Variants in AEBP2 observed in about 807,000 individuals in gnomAD.
AEBP2 encodes the protein zinc finger protein AEBP2.
In AEBP2, 10 loss-of-function variants were observed where a neutral mutation model predicts 50.8. The ratio of observed to expected loss-of-function variants is 0.20; its 90% CI spans 0.12 to 0.33. AEBP2 has a LOEUF of 0.33. Among genes scored for constraint, AEBP2 ranks in the 10% least tolerant of loss-of-function variants. The pLI, the probability that AEBP2 is intolerant of heterozygous loss-of-function variation, is 1.00. For synonymous variants in AEBP2, 296 were observed against 261.3 expected (o/e 1.13, Z -1.28); for missense variants, 570 against 688.0 (o/e 0.83, Z 1.92).
At chr12:19,489,412 G>GC (rs1948862701) in intron 3 of AEBP2, among the ~76,000 whole-genome samples, 1 of 152,050 alleles carries the variant, frequency 6.6e-6, no homozygotes, top group East Asian at 1.9e-4. Flanking sequence ...CGGGGAAACC[G>GC]CCCCCGCCAT....
chr12:19,476,097 T>C (rs556827300), intron 3 of AEBP2, among the ~76,000 whole-genome samples: 3 of 152,218 alleles, frequency 2.0e-5, no homozygotes, highest in South Asian at 2.1e-4. Flanking sequence ...GTTGTTCTTA[T>C]TGCATTTGCT....
chr12:19,458,573 C>A (rs1256167136), intron 1 of AEBP2, among the ~76,000 whole-genome samples: 1 of 152,150 alleles, frequency 6.6e-6, no homozygotes, highest in African/African-American at 2.4e-5. Flanking sequence ...CACATAGACT[C>A]AACAATGATT....
At chr12:19,424,669 T>C (rs969363726) in intron 1 of AEBP2, among the ~76,000 whole-genome samples, 4 of 151,828 alleles carry the variant, frequency 2.6e-5, no homozygotes, top group Non-Finnish European at 4.4e-5. Flanking sequence ...GTGCTGGGAT[T>C]ACAGGCGTGA....
Position 19,514,868 on chromosome 12 carries a change from T to G in AEBP2, c.1481+84T>G, listed in dbSNP as rs1010951467. The G allele has an allele frequency of 5.9e-6, 6 of 1,010,244 alleles. 1 individual carries two copies. The highest frequency in any genetic ancestry group is 8.9e-6 in the Non-Finnish European group (6 of 677,218). The allele number at this position is 1,010,244 out of a possible 1,614,324, so 62.6% of individuals were successfully genotyped here. A position where few individuals can be genotyped will look rare whatever the true frequency, so the allele number is the denominator to read the frequency against. ...TTTTGGATAAATTAGGACTTAGTTT[T>G]AAGTGCTGAATTTTAATACCAAGCA... is the stretch of plus-strand genomic sequence containing the variant. On this transcript the variant is annotated intron_variant, in intron 7 of 7. Transcript: ENST00000266508.
chr12:19,429,425 C>T (rs962805370), intron 1 of AEBP2, among the ~76,000 whole-genome samples: 6 of 152,134 alleles, frequency 3.9e-5, no homozygotes, highest in Non-Finnish European at 7.4e-5. Flanking sequence ...GTGAATAGTG[C>T]CGCAATAAAC....
intron 3 of AEBP2, among the ~76,000 whole-genome samples, chr12:19,493,233 C>G (rs1743837943): frequency 6.6e-6 from 1 of 152,074 alleles, no homozygotes; most frequent in South Asian, 2.1e-4. Context: ...GAAACCATAG[C>G]TCTACTAAAA....
At chr12:19,454,201 A>C (rs577683708) in intron 1 of AEBP2, among the ~76,000 whole-genome samples, 1 of 152,136 alleles carries the variant, frequency 6.6e-6, no homozygotes, top group Non-Finnish European at 1.5e-5. Context: ...CATTAGTTCT[A>C]CTGATTTAGG....
chr12:19,479,773 A>G (rs1461363281), intron 3 of AEBP2, among the ~76,000 whole-genome samples: 2 of 45,050 alleles, frequency 4.4e-5, no homozygotes, highest in South Asian at 6.1e-4. Flanking sequence ...AAAGTCTGTT[A>G]TATTTGATAT....
chr12:19,512,806 G>T (rs1382018262), intron 6 of AEBP2, among the ~76,000 whole-genome samples: 2 of 151,824 alleles, frequency 1.3e-5, no homozygotes, highest in African/African-American at 4.8e-5. Context: ...AAATTAGCCG[G>T]GTGTGGTGGT....
chr12:19,521,179 G>A lies in AEBP2; in HGVS notation c.*3062G>A, dbSNP rs1441710550. The A allele has an allele frequency of 6.6e-6, 1 of 152,098 alleles. No individual in the cohort carries two copies. The highest frequency in any genetic ancestry group is 1.5e-5 in the Non-Finnish European group (1 of 68,016). The allele number at this position is 152,098 out of a possible 1,614,324, so 9.4% of individuals were successfully genotyped here. On this transcript the variant is annotated 3_prime_UTR_variant, in exon 8 of 8. Coordinates refer to ENST00000266508, the MANE Select transcript of AEBP2 (RefSeq NM_153207.5). The stretch of plus-strand genomic sequence containing the variant: ...AAGTTTTCGATTCCTTTGTCTAGTT[G>A]ACAAAAAGTTTGGAAACATAAACTT...
chr12:19,515,387 CT>C (rs1425243037), intron 7 of AEBP2, among the ~76,000 whole-genome samples: 1 of 152,094 alleles, frequency 6.6e-6, no homozygotes. Flanking sequence ...CACGGCTGCT[CT>C]GTGAAGTAGG....
At chr12:19,468,112 C>G (rs1036889227) in intron 2 of AEBP2, among the ~76,000 whole-genome samples, 2 of 107,874 alleles carry the variant, frequency 1.9e-5, no homozygotes, top group Admixed American at 9.0e-5. Context: ...TCCATCCAAC[C>G]CCTCTGCCTG....
chr12:19,451,578 A>G lies in AEBP2; in HGVS notation c.672-10932A>G, dbSNP rs376199763. On this transcript the variant is annotated intron_variant, in intron 1 of 7. Coordinates refer to ENST00000266508, the MANE Select transcript of AEBP2 (RefSeq NM_153207.5). The stretch of plus-strand genomic sequence containing the variant: ...AGTCTGGCATCATCACTTCTGCAGT[A>G]GTCTCAGGCCTGATTAAATTCAAGG... Among the ~76,000 whole-genome samples, 56 of 152,264 alleles carry G rather than the reference A, an allele frequency of 3.7e-4. No homozygotes were observed. The East Asian group carries it at 5.2e-3, about 14-fold the overall frequency.
chr12:19,406,295 C>A (rs1384070415), intron 1 of AEBP2, among the ~76,000 whole-genome samples: 16 of 152,170 alleles, frequency 1.1e-4, no homozygotes, highest in Admixed American at 1.0e-3. Context: ...ACCCAAAGTC[C>A]ATAGTTTACA....
chr12:19,424,082 T>G (rs963020533), intron 1 of AEBP2, among the ~76,000 whole-genome samples: 1 of 152,080 alleles, frequency 6.6e-6, no homozygotes, highest in African/African-American at 2.4e-5. Flanking sequence ...CCTTGTAGAA[T>G]AAGAAGAGAG....
At chr12:19,447,113 A>G (rs576560561) in intron 1 of AEBP2, among the ~76,000 whole-genome samples, 1 of 152,350 alleles carries the variant, frequency 6.6e-6, no homozygotes, top group East Asian at 1.9e-4. Context: ...CTTCCTGCCA[A>G]CATCTAAGGA....
intron 5 of AEBP2, among the ~76,000 whole-genome samples, chr12:19,501,198 G>T (rs1257319259): frequency 1.3e-5 from 2 of 152,062 alleles, no homozygotes; most frequent in Non-Finnish European, 2.9e-5. Flanking sequence ...GGGTGTGGTA[G>T]TGGTCATCTG....
chr12:19,456,745 C>T (rs1267429872), intron 1 of AEBP2: 1 of 1,590,266 alleles, frequency 6.3e-7, no homozygotes. Context: ...CTCAAAGCTT[C>T]ATGGTGCATT....
chr12:19,483,233 A>G (rs1035328168), intron 3 of AEBP2, among the ~76,000 whole-genome samples: 5 of 152,120 alleles, frequency 3.3e-5, no homozygotes, highest in African/African-American at 7.2e-5. Context: ...GGCTCTAGCT[A>G]GAGGCTGGGA....
Sources: allele counts gnomAD v4.1 joint callset (sites outside exome capture counted in the v4.1 genomes callset), GRCh38; gene constraint gnomAD v4.1.1; transcripts MANE v1.5; gene names NCBI Gene and HGNC (gene_info 2026-07-23, HGNC 2026-07-21).